FAT3: variants seen among roughly 807,000 people sequenced by gnomAD.
FAT3 encodes FAT atypical cadherin 3, also known as protocadherin Fat 3.
A neutral mutation model predicts 310.2 loss-of-function variants in FAT3; 95 were observed. That is an observed-to-expected ratio of 0.31 (90% CI 0.26 to 0.36). The LOEUF (loss-of-function observed/expected upper bound fraction) is 0.36, where lower values mean the gene tolerates loss of function less well. Ranked by LOEUF, FAT3 falls within the 10% of genes least tolerant of loss-of-function variation. The pLI is 1.00. For synonymous variants in FAT3, 2,314 were observed against 2,192.9 expected (o/e 1.06, Z -1.54); for missense variants, 5,408 against 5,715.6 (o/e 0.95, Z 1.74).
At chr11:92,730,909 C>T (rs530546005) in intron 4 of FAT3, among the ~76,000 whole-genome samples, 14 of 152,148 alleles carry the variant, frequency 9.2e-5, no homozygotes, top group Middle Eastern at 3.4e-3. Flanking sequence ...TGCCTAAGAA[C>T]TAAAGCAATT....
intron 1 of FAT3, among the ~76,000 whole-genome samples, chr11:92,261,619 C>T (rs535908820): frequency 6.6e-6 from 1 of 152,152 alleles, no homozygotes; most frequent in East Asian, 1.9e-4. Flanking sequence ...TTACAGCCAC[C>T]GGTTGGACCC....
chr11:92,314,118 A>G (rs914618980), intron 1 of FAT3, among the ~76,000 whole-genome samples: 1 of 152,238 alleles, frequency 6.6e-6, no homozygotes, highest in Non-Finnish European at 1.5e-5. Flanking sequence ...AAAACCATTT[A>G]TCAAACCTTC....
chr11:92,329,537 T>C (rs1294216259), intron 1 of FAT3, among the ~76,000 whole-genome samples: 1 of 151,404 alleles, frequency 6.6e-6, no homozygotes, highest in Non-Finnish European at 1.5e-5. Context: ...CCTTTATAAA[T>C]TACCCAGCCT....
chr11:92,750,504 A>G (rs962355492), intron 4 of FAT3, among the ~76,000 whole-genome samples: 17 of 152,234 alleles, frequency 1.1e-4, no homozygotes, highest in African/African-American at 2.9e-4. Context: ...GCTTGGCTTT[A>G]TAGACAGAAA....
chr11:92,889,711 T>A (rs1949873522), intron 26 of FAT3, 145 bp from the exon 27 acceptor site: 1 of 624,232 alleles, frequency 1.6e-6, no homozygotes, highest in African/African-American at 1.8e-5. Flanking sequence ...TAAATAACAA[T>A]GGGAAGAAAT....
chr11:92,600,968 A>T (rs1327770214), intron 3 of FAT3, among the ~76,000 whole-genome samples: 1 of 152,132 alleles, frequency 6.6e-6, no homozygotes, highest in Non-Finnish European at 1.5e-5. Context: ...AGAAATGCAA[A>T]GGTCTTGAGG....
In FAT3 at chr11:92,894,799, A is replaced by G. The variant is rs1949992182; in HGVS notation, c.*3686A>G. ...GCTTTGAGGTTCATCCAATTAGGGA[A>G]TAAATGTGAAAGGCTGGAAAGGGAA... On this transcript the variant is annotated 3_prime_UTR_variant, in exon 28 of 28. Transcript: ENST00000525166. The G allele has an allele frequency of 6.6e-6, 1 of 152,198 alleles. No individual in the cohort carries two copies. The highest frequency in any genetic ancestry group is 2.4e-5 in the African/African-American group (1 of 41,460). 9.4% of individuals were successfully genotyped at this position (152,198 alleles called of 1,614,324 possible).
chr11:92,486,391 G>C (rs1364110730), intron 2 of FAT3, among the ~76,000 whole-genome samples: 1 of 151,436 alleles, frequency 6.6e-6, no homozygotes, highest in East Asian at 1.9e-4. Flanking sequence ...ACACGTGTCT[G>C]CTATTTCCTG....
Position 92,262,391 on chromosome 11 carries a change from A to T in FAT3, c.-18+37217A>T, listed in dbSNP as rs111327195. Among the ~76,000 whole-genome samples, 8 of 152,180 alleles carry T rather than the reference A, an allele frequency of 5.3e-5. 1 individual carries two copies. Among genetic ancestry groups the T allele is most frequent in the African/African-American group, 1.7e-4 (7 of 41,540 alleles). On this transcript the variant is annotated intron_variant, in intron 1 of 27. Coordinates refer to ENST00000525166, the MANE Select transcript of FAT3 (RefSeq NM_001367949.2). ...AGCAAATGTGTAGTCACCTTTACTGAGTTCAAAGGAGTTATTTGACATATC... is the reference window on the plus strand; with the variant it reads ...AGCAAATGTGTAGTCACCTTTACTGTGTTCAAAGGAGTTATTTGACATATC...
At chr11:92,395,585 T>C (rs543497525) in intron 2 of FAT3, among the ~76,000 whole-genome samples, 13 of 151,654 alleles carry the variant, frequency 8.6e-5, no homozygotes, top group South Asian at 2.1e-4. Flanking sequence ...AGTGTCACTT[T>C]TTTTTTTTTT....
At chr11:92,821,169 C>T (rs1947959601) in intron 13 of FAT3, among the ~76,000 whole-genome samples, 2 of 152,150 alleles carry the variant, frequency 1.3e-5, no homozygotes. Context: ...ACTGAAAAGA[C>T]CCTGAGACAA....
At chr11:92,653,705 C>G (rs2135769135) in intron 3 of FAT3, among the ~76,000 whole-genome samples, 1 of 152,266 alleles carries the variant, frequency 6.6e-6, no homozygotes, top group South Asian at 2.1e-4. Context: ...AAGTCCAGTT[C>G]CTTGTTATTC....
At chr11:92,440,548 T>A (rs1165397635) in intron 2 of FAT3, among the ~76,000 whole-genome samples, 1 of 152,164 alleles carries the variant, frequency 6.6e-6, no homozygotes, top group Non-Finnish European at 1.5e-5. Flanking sequence ...CGTACATAGT[T>A]AGAGCCTTCA....
chr11:92,589,323 G>A (rs1275974425), intron 3 of FAT3, among the ~76,000 whole-genome samples: 1 of 152,044 alleles, frequency 6.6e-6, no homozygotes, highest in Non-Finnish European at 1.5e-5. Flanking sequence ...TATCATGAAA[G>A]AAGAAAACAG....
chr11:92,436,483 A>G (rs1018698961), intron 2 of FAT3, among the ~76,000 whole-genome samples: 1 of 152,096 alleles, frequency 6.6e-6, no homozygotes, highest in African/African-American at 2.4e-5. Context: ...TTGCCTTGCT[A>G]CAGATCCCTT....
In FAT3 at chr11:92,320,880, A is replaced by AGGGG. The variant is rs5793596; in HGVS notation, c.-17-31211_-17-31208dup. On this transcript the variant is annotated intron_variant, in intron 1 of 27. Transcript: ENST00000525166. ...GCGAAACTCCATCTCAAAAAAAAAA[A>AGGGG]GGGGGGGGTACTTATTTATAATGTC... Among the ~76,000 whole-genome samples the AGGGG allele has an allele frequency of 1.9e-4, 28 of 148,550 alleles. No individual in the cohort carries two copies. In the South Asian group the frequency reaches 5.3e-3, roughly 28 times the overall value.
At chr11:92,443,737 C>G (rs976127791) in intron 2 of FAT3, among the ~76,000 whole-genome samples, 1 of 151,916 alleles carries the variant, frequency 6.6e-6, no homozygotes, top group African/African-American at 2.4e-5. Context: ...ATCATTTGTT[C>G]TGAAGTGTCA....
chr11:92,441,741 C>T (rs1428807824), intron 2 of FAT3, among the ~76,000 whole-genome samples: 1 of 152,114 alleles, frequency 6.6e-6, no homozygotes, highest in Non-Finnish European at 1.5e-5. Flanking sequence ...AACCAACACA[C>T]AAGCCTAAGT....
At chr11:92,876,937 G>T (rs1302526981) in intron 22 of FAT3, among the ~76,000 whole-genome samples, 2 of 152,210 alleles carry the variant, frequency 1.3e-5, no homozygotes, top group African/African-American at 4.8e-5. Context: ...AGTGAGAATG[G>T]TTCCTTGCAG....
Sources: allele counts gnomAD v4.1 joint callset (sites outside exome capture counted in the v4.1 genomes callset), GRCh38; gene constraint gnomAD v4.1.1; transcripts MANE v1.5; gene names NCBI Gene and HGNC (gene_info 2026-07-23, HGNC 2026-07-21).